The following FKBP1A variants were observed in gnomAD, a reference collection of about 807,000 sequenced individuals.
FKBP1A encodes the protein FKBP prolyl isomerase 1A, also known as peptidyl-prolyl cis-trans isomerase FKBP1A.
FKBP1A carries 5 observed loss-of-function variants against 14.2 expected under a neutral mutation model. The ratio of observed to expected loss-of-function variants is 0.35; its 90% CI spans 0.18 to 0.74. The LOEUF is 0.74. Among genes scored for constraint, FKBP1A ranks in the 30% least tolerant of loss-of-function variants. The pLI is 0.56. For synonymous variants in FKBP1A, 42 were observed against 49.1 expected (o/e 0.86, Z 0.60); for missense variants, 53 against 138.8 (o/e 0.38, Z 3.10).
chr20:1,375,823 G>A (rs1388575306), intron 2 of FKBP1A, among the ~76,000 whole-genome samples: 2 of 151,984 alleles, frequency 1.3e-5, no homozygotes, highest in African/African-American at 4.8e-5. Flanking sequence ...GCAATAACTC[G>A]ACTACAAAAG....
chr20:1,388,198 A>C (rs1157299248), intron 2 of FKBP1A, among the ~76,000 whole-genome samples: 1 of 152,262 alleles, frequency 6.6e-6, no homozygotes, highest in African/African-American at 2.4e-5. Flanking sequence ...CTATTCAGAC[A>C]CTTAAAAGAT....
intron 2 of FKBP1A, chr20:1,376,701 T>G (rs1425025804): frequency 6.6e-6 from 1 of 152,078 alleles, no homozygotes; most frequent in Non-Finnish European, 1.5e-5. Flanking sequence ...ATAGTAAAAT[T>G]TACTATTATA....
intron 2 of FKBP1A, among the ~76,000 whole-genome samples, chr20:1,380,574 G>C (rs1418771143): frequency 5.3e-5 from 8 of 152,116 alleles, no homozygotes; most frequent in Non-Finnish European, 1.2e-4. Flanking sequence ...CTGAGCTCTA[G>C]ACCTACCTAA....
chr20:1,376,090 C>G (rs2089539321), intron 2 of FKBP1A, among the ~76,000 whole-genome samples: 1 of 152,102 alleles, frequency 6.6e-6, no homozygotes. Context: ...CAGGCAAATC[C>G]CCCTCCACCA....
At position 1,369,148 on chromosome 20, in the gene FKBP1A, G is replaced by C. The variant is rs1364041023; in HGVS notation, c.*961C>G. ...GCCAGGAAACTGAGATCAGCAGAGG[G>C]AGCCAAGCATCAAAAAACAGGAGAT... On this transcript the variant is annotated 3_prime_UTR_variant, in exon 5 of 5. Transcript: ENST00000400137. 1 of 167,114 alleles carries C rather than the reference G, an allele frequency of 6.0e-6. No homozygotes were observed. The highest frequency in any genetic ancestry group is 1.5e-5 in the Non-Finnish European group (1 of 68,152). 10.4% of individuals were successfully genotyped at this position (167,114 alleles called of 1,614,324 possible).
rs1476872688 is a variant in FKBP1A at position 1,386,314 on chromosome 20, A to G, written c.85+6520T>C. Among the ~76,000 whole-genome samples the G allele has an allele frequency of 6.6e-6, 1 of 152,194 alleles. No homozygotes were observed. The highest frequency in any genetic ancestry group is 6.5e-5 in the Admixed American group (1 of 15,284). ...CTACAGGGTAAGCTTCTTGAGGGCA[A>G]CATTGAGGCTTTGCCCAGCTCCTTA... On this transcript the variant is annotated intron_variant, in intron 2 of 4. Coordinates refer to ENST00000400137, the MANE Select transcript of FKBP1A (RefSeq NM_000801.5). The surrounding 1 kb of genome is among the most constrained non-coding windows in gnomAD (Gnocchi z 4.7).
At chr20:1,392,213 A>G (rs1420847223) in intron 2 of FKBP1A, among the ~76,000 whole-genome samples, 1 of 152,162 alleles carries the variant, frequency 6.6e-6, no homozygotes, top group Non-Finnish European at 1.5e-5. Flanking sequence ...AAGTGGCTCA[A>G]AAGTAAAAAG....
At chr20:1,389,425 C>T (rs2089707268) in intron 2 of FKBP1A, among the ~76,000 whole-genome samples, 1 of 152,120 alleles carries the variant, frequency 6.6e-6, no homozygotes, top group African/African-American at 2.4e-5. Flanking sequence ...CCAAGAGATA[C>T]CTAGCAAGGG....
In FKBP1A at chr20:1,383,657, G is replaced by A. The variant is rs970544545; in HGVS notation, c.86-8054C>T. Among the ~76,000 whole-genome samples the A allele has an allele frequency of 3.5e-5, 5 of 141,448 alleles. No homozygotes were observed. The South Asian group carries it at 1.1e-3, about 32-fold the overall frequency. 92.8% of individuals were successfully genotyped at this position (141,448 alleles called of 152,430 possible). A position where few individuals can be genotyped will look rare whatever the true frequency, so the allele number is the denominator to read the frequency against. ...GCCTGGGCAACACAGCAAGACTCAT[G>A]TCCCCAATCCTGTTTCTGCAAAAAA... On this transcript the variant is annotated intron_variant, in intron 2 of 4. Coordinates refer to ENST00000400137, the MANE Select transcript of FKBP1A (RefSeq NM_000801.5).
intron 2 of FKBP1A, among the ~76,000 whole-genome samples, chr20:1,389,097 C>T (rs761943800): frequency 1.1e-4 from 16 of 152,184 alleles, no homozygotes; most frequent in Non-Finnish European, 1.9e-4. Context: ...GCCAACTTCC[C>T]TTCCCATCCC....
At chr20:1,383,293 G>A (rs1195358607) in intron 2 of FKBP1A, among the ~76,000 whole-genome samples, 4 of 151,826 alleles carry the variant, frequency 2.6e-5, no homozygotes, top group Non-Finnish European at 5.9e-5. Context: ...ATCTTTGCAG[G>A]AGTGTTTCCT....
intron 2 of FKBP1A, among the ~76,000 whole-genome samples, chr20:1,390,313 C>T (rs1001283877): frequency 7.7e-6 from 1 of 129,620 alleles, no homozygotes; most frequent in African/African-American, 3.0e-5. Flanking sequence ...AAATCTGAGC[C>T]AGATACTCAA....
intron 2 of FKBP1A, among the ~76,000 whole-genome samples, chr20:1,381,766 G>A (rs1394100495): frequency 6.6e-6 from 1 of 152,130 alleles, no homozygotes; most frequent in Non-Finnish European, 1.5e-5. Context: ...TGATACATGG[G>A]ACAATACAGA....
chr20:1,388,196 A>T (rs2089689548), intron 2 of FKBP1A, among the ~76,000 whole-genome samples: 1 of 152,250 alleles, frequency 6.6e-6, no homozygotes, highest in South Asian at 2.1e-4. Flanking sequence ...ATCTATTCAG[A>T]CACTTAAAAG....
intron 2 of FKBP1A, among the ~76,000 whole-genome samples, chr20:1,389,349 G>A (rs1297829344): frequency 2.6e-5 from 4 of 152,194 alleles, no homozygotes; most frequent in Admixed American, 1.3e-4. Context: ...GACAGCACAC[G>A]TCAGGGGAAG....
At chr20:1,382,287 A>G (rs1189055059) in intron 2 of FKBP1A, among the ~76,000 whole-genome samples, 1 of 152,216 alleles carries the variant, frequency 6.6e-6, no homozygotes, top group Non-Finnish European at 1.5e-5. Flanking sequence ...TGCCCTGCTC[A>G]GAGAAGGCAA....
intron 4 of FKBP1A, chr20:1,370,350 T>G: frequency 1.0e-6 from 1 of 985,334 alleles, no homozygotes; most frequent in East Asian, 1.1e-4. Flanking sequence ...CCCATGCTGC[T>G]GACAATACAG....
At chr20:1,374,867 G>A (rs769533988) in intron 3 of FKBP1A, among the ~76,000 whole-genome samples, 8 of 152,070 alleles carry the variant, frequency 5.3e-5, no homozygotes, top group African/African-American at 9.7e-5. Context: ...ATGGAGTTTC[G>A]CTCTCGTCAT....
chr20:1,374,229 A>G (rs542260132), intron 3 of FKBP1A, among the ~76,000 whole-genome samples: 3 of 152,274 alleles, frequency 2.0e-5, no homozygotes, highest in South Asian at 4.1e-4. Context: ...AAAAATTCCT[A>G]GGTTTGATGG....
Sources: allele counts gnomAD v4.1 joint callset (sites outside exome capture counted in the v4.1 genomes callset), GRCh38; gene constraint gnomAD v4.1.1; non-coding constraint Gnocchi (gnomAD v3.1); transcripts MANE v1.5; gene names NCBI Gene and HGNC (gene_info 2026-07-23, HGNC 2026-07-21).